Variants in HMCES observed in about 807,000 individuals in gnomAD.
HMCES encodes the protein 5-hydroxymethylcytosine binding, ES cell specific.
Under a neutral mutation model 35.1 loss-of-function variants are expected in HMCES, and 27 were observed. The ratio of observed to expected loss-of-function variants is 0.77; its 90% CI spans 0.57 to 1.06. HMCES has a LOEUF of 1.06. Ranked by LOEUF, HMCES falls within the 50% of genes least tolerant of loss-of-function variation. The pLI is 0.00. For missense variants in HMCES, 391 were observed against 430.4 expected (o/e 0.91, Z 0.81); for synonymous variants, 130 against 154.7 (o/e 0.84, Z 1.18).
rs2107702270 is a variant in HMCES, at chr3:129,304,869, G to C, written c.*44G>C. 1 of 1,438,808 alleles carries C rather than the reference G, an allele frequency of 7.0e-7. No homozygotes were observed. Among genetic ancestry groups the C allele is most frequent in the Non-Finnish European group, 9.8e-7 (1 of 1,022,288 alleles). 89.1% of individuals were successfully genotyped at this position (1,438,808 alleles called of 1,614,324 possible). A position where few individuals can be genotyped will look rare whatever the true frequency, so the allele number is the denominator to read the frequency against. On this transcript the variant is annotated 3_prime_UTR_variant, in exon 7 of 7. Transcript: ENST00000383463. ...CAAGGCCAGGGTCTGCTGCACTGCT[G>C]TTCTGATAATAGGTTCTTAACATTG...
At chr3:129,300,899 C>T (rs187807021) in intron 5 of HMCES, among the ~76,000 whole-genome samples, 4 of 152,054 alleles carry the variant, frequency 2.6e-5, no homozygotes, top group African/African-American at 7.2e-5. Context: ...GACGTGGTGG[C>T]GGCTGCCTGT....
At chr3:129,298,331 C>T (rs1449963117) in intron 4 of HMCES, 23 bp from the exon 5 acceptor site, 3 of 1,612,122 alleles carry the variant, frequency 1.9e-6, no homozygotes, top group African/African-American at 1.3e-5. Context: ...TGCATCTAAT[C>T]TGCCCATATA....
intron 5 of HMCES, among the ~76,000 whole-genome samples, chr3:129,299,648 C>CT (rs34382705): frequency 0.19 from 21,468 of 110,116 alleles, 3,155 homozygotes; most frequent in East Asian, 0.62. Context: ...ATAGGTGCTT[C>CT]TTTTTTTTTT....
chr3:129,304,374 A>AT (rs1295996081), intron 6 of HMCES, among the ~76,000 whole-genome samples: 1 of 152,080 alleles, frequency 6.6e-6, no homozygotes, highest in Non-Finnish European at 1.5e-5. Context: ...GTCCCACACA[A>AT]TCCTCTGTGA....
At position 129,288,957 on chromosome 3, in the gene HMCES, A is replaced by G. The variant is rs1940720449; in HGVS notation, c.287A>G (p.Asn96Ser). ...TCCAAGCTGCAGTTCAATACTACCA[A>G]CTGTCGTAGTGATACCGTAATGGAG... Reference protein sequence around the residue: ...DPSKLQFNTTNCRSDTVMEKR... With the variant: ...DPSKLQFNTTSCRSDTVMEKR... The change falls in exon 3 of 7, where the codon AAC becomes AGC. Residue 96 changes from asparagine to serine, a missense_variant. Transcript: ENST00000383463. 1.2e-5 allele frequency: 19 copies of G among 1,597,536 alleles called. No individual in the cohort carries two copies. Among genetic ancestry groups the G allele is most frequent in the Non-Finnish European group, 1.5e-5 (18 of 1,167,136 alleles).
intron 5 of HMCES, among the ~76,000 whole-genome samples, chr3:129,299,525 G>T (rs560028218): frequency 2.6e-5 from 4 of 151,980 alleles, no homozygotes; most frequent in Non-Finnish European, 5.9e-5. Context: ...GAAAATTGTC[G>T]CCATGTTCGA....
intron 4 of HMCES, among the ~76,000 whole-genome samples, chr3:129,291,522 GT>G (rs1431707855): frequency 2.6e-5 from 4 of 152,152 alleles, no homozygotes; most frequent in Admixed American, 2.0e-4. Flanking sequence ...TTAGCATAAT[GT>G]TTTCAAGATT....
At chr3:129,280,514 AT>A (rs1479259355) in intron 2 of HMCES, among the ~76,000 whole-genome samples, 2 of 152,250 alleles carry the variant, frequency 1.3e-5, no homozygotes, top group African/African-American at 4.8e-5. Context: ...ATTTAAAAAA[AT>A]AAAAAATTTA....
chr3:129,297,233 C>T (rs2107695836), intron 4 of HMCES, among the ~76,000 whole-genome samples: 1 of 152,096 alleles, frequency 6.6e-6, no homozygotes, highest in East Asian at 1.9e-4. Context: ...TTCTGCTTGT[C>T]ACTTAATGTT....
rs1317625125 is a variant in HMCES at position 129,279,969 on chromosome 3, C to T, written c.183+54C>T. The T allele has an allele frequency of 6.2e-6, 9 of 1,451,964 alleles. No individual in the cohort carries two copies. Among genetic ancestry groups the T allele is most frequent in the Non-Finnish European group, 6.4e-6 (7 of 1,088,508 alleles). The allele number at this position is 1,451,964 out of a possible 1,614,324, so 89.9% of individuals were successfully genotyped here. On this transcript the variant is annotated intron_variant, in intron 2 of 6. Transcript: ENST00000383463. The surrounding 1 kb of genome is among the most constrained non-coding windows in gnomAD (Gnocchi z 4.2). The stretch of plus-strand genomic sequence containing the variant: ...TCGCCCAGCCTCGTGATGGTCATCT[C>T]CTATTTGGTTTGGTGTGTGCTCAGC...
intron 2 of HMCES, among the ~76,000 whole-genome samples, chr3:129,287,649 A>G (rs1243385454): frequency 6.6e-6 from 1 of 152,174 alleles, no homozygotes; most frequent in African/African-American, 2.4e-5. Context: ...AAAAGTGGGA[A>G]TACTCTCAAA....
chr3:129,291,211 GTGAAA>G (rs775564824), intron 4 of HMCES, among the ~76,000 whole-genome samples: 19 of 152,126 alleles, frequency 1.2e-4, no homozygotes, highest in East Asian at 1.9e-4. Context: ...ATAAAATAAA[GTGAAA>G]TGAAATGAAA....
In HMCES at chr3:129,288,850, G is replaced by A. The variant is rs1176684959; in HGVS notation, c.184-4G>A. 4.0e-6 allele frequency: 6 copies of A among 1,503,282 alleles called. No individual in the cohort carries two copies. The highest frequency in any genetic ancestry group is 5.4e-6 in the Non-Finnish European group (6 of 1,106,458). 93.1% of individuals were successfully genotyped at this position (1,503,282 alleles called of 1,614,324 possible). ...CTCCTCACTAGATCTTCTCTCCGTG[G>A]CAGGATGCAGACTCATCTGAGCGTA... On this transcript the variant is annotated splice_polypyrimidine_tract_variant and splice_region_variant and intron_variant, in intron 2 of 6. Transcript: ENST00000383463.
intron 5 of HMCES, among the ~76,000 whole-genome samples, chr3:129,300,569 C>T (rs1648407183): frequency 6.6e-6 from 1 of 152,172 alleles, no homozygotes; most frequent in African/African-American, 2.4e-5. Flanking sequence ...GGATTACCTG[C>T]TTTAGCCTTG....
chr3:129,299,662 T>TC (rs1261311968), intron 5 of HMCES, among the ~76,000 whole-genome samples: 1 of 147,358 alleles, frequency 6.8e-6, no homozygotes, highest in Non-Finnish European at 1.5e-5. Context: ...TTTTTTTTTT[T>TC]TTTTTTTGAG....
chr3:129,287,941 C>T (rs199529360), intron 2 of HMCES, among the ~76,000 whole-genome samples: 5 of 152,238 alleles, frequency 3.3e-5, no homozygotes, highest in East Asian at 1.9e-4. Context: ...CCTGTAGTCC[C>T]GGCTACTCGG....
At chr3:129,303,336 G>T (rs1306406969) in intron 6 of HMCES, among the ~76,000 whole-genome samples, 1 of 152,146 alleles carries the variant, frequency 6.6e-6, no homozygotes, top group African/African-American at 2.4e-5. Flanking sequence ...AAGAACAGCT[G>T]TCCCCCTCTC....
intron 2 of HMCES, 37 bp from the exon 3 acceptor site, chr3:129,288,817 A>C (rs1940713963): frequency 7.1e-7 from 1 of 1,402,664 alleles, no homozygotes; most frequent in Non-Finnish European, 9.5e-7. Flanking sequence ...TTAGAATTTC[A>C]TTATGATCTC....
chr3:129,290,504 G>A (rs1010562488), intron 3 of HMCES, among the ~76,000 whole-genome samples, 175 bp from the exon 4 acceptor site: 6 of 152,000 alleles, frequency 3.9e-5, no homozygotes, highest in Admixed American at 3.3e-4. Context: ...GGCTGGTCTC[G>A]AACTCCTGAC....
Sources: allele counts gnomAD v4.1 joint callset (sites outside exome capture counted in the v4.1 genomes callset), GRCh38; gene constraint gnomAD v4.1.1; non-coding constraint Gnocchi (gnomAD v3.1); transcripts MANE v1.5; gene names NCBI Gene and HGNC (gene_info 2026-07-23, HGNC 2026-07-21).